The following STOX2 variants were observed in gnomAD, a reference collection of about 807,000 sequenced individuals.
The protein encoded by STOX2 is storkhead box 2.
Under a neutral mutation model 60.9 loss-of-function variants are expected in STOX2, and 28 were observed. The observed-to-expected ratio is 0.46, with a 90% CI of 0.34 to 0.63. STOX2 has a LOEUF of 0.63. STOX2 is among the 30% of genes least tolerant of loss of function. The probability of loss-of-function intolerance (pLI) is 0.01; values close to 1 mark genes in which losing one functional copy is unlikely to be tolerated. For missense variants in STOX2, 1,024 were observed against 1,187.7 expected, an observed-to-expected ratio of 0.86 and a Z score of 2.03; for synonymous variants, 472 against 463.9, an observed-to-expected ratio of 1.02 and a Z score of -0.22.
intron 1 of STOX2, among the ~76,000 whole-genome samples, chr4:183,864,987 C>T (rs546830291): frequency 3.9e-5 from 6 of 152,280 alleles, no homozygotes; most frequent in South Asian, 4.1e-4. Flanking sequence ...TCTTCTGCTC[C>T]GGTATGAAAG....
rs764040331 is a variant in STOX2, at chr4:184,022,937, T to A, written c.*5653T>A. The A allele has an allele frequency of 1.3e-5, 2 of 152,126 alleles. No individual in the cohort carries two copies. The highest frequency in any genetic ancestry group is 2.9e-5 in the Non-Finnish European group (2 of 68,030). The allele number at this position is 152,126 out of a possible 1,614,324, so 9.4% of individuals were successfully genotyped here. A position where few individuals can be genotyped will look rare whatever the true frequency, so the allele number is the denominator to read the frequency against. ...AAGTATTGACAGCTACAAATTAAAG[T>A]CCTTAGAGCAGTTGACACAGATACT... On this transcript the variant is annotated 3_prime_UTR_variant, in exon 4 of 4. Coordinates refer to ENST00000308497, the MANE Select transcript of STOX2 (RefSeq NM_020225.3).
chr4:183,876,936 T>C (rs913745253), intron 1 of STOX2, among the ~76,000 whole-genome samples: 1 of 152,236 alleles, frequency 6.6e-6, no homozygotes, highest in African/African-American at 2.4e-5. Context: ...TCCTGGAACA[T>C]GGCCGTGCCG....
In STOX2 at chr4:184,010,753, T is replaced by G; in HGVS notation, c.1915T>G (p.Ser639Ala). 6.3e-7 allele frequency: 1 copy of G among 1,586,366 alleles called. No individual in the cohort carries two copies. Among genetic ancestry groups the G allele is most frequent in the Non-Finnish European group, 8.6e-7 (1 of 1,166,780 alleles). Residue 639 changes from serine to alanine, a missense_variant, in exon 3 of 4, where the codon TCT becomes GCT. Ser to Ala is a moderately conservative substitution (Grantham distance 99). This residue lies in a region of STOX2 where 922 missense variants were observed against 1,058.3 expected (regional missense o/e 0.87). Transcript: ENST00000308497. This position sits in a 1 kb window ranked among gnomAD's most constrained non-coding sequence, Gnocchi z 4.5. The part of the protein sequence containing the change: ...LAEGVKKLSP[S>A]DRQVPHSSRE... ...AGAAGGGGTGAAAAAGCTCTCCCCT[T>G]CTGATAGGCAGGTCCCCCACTCCTC...
chr4:183,983,337 A>G (rs923523216), intron 1 of STOX2, among the ~76,000 whole-genome samples: 4 of 152,150 alleles, frequency 2.6e-5, no homozygotes, highest in South Asian at 2.1e-4. Flanking sequence ...CTTGAATGAC[A>G]TAGATGCTGA....
At chr4:183,955,642 C>G (rs1191907831) in intron 1 of STOX2, among the ~76,000 whole-genome samples, 1 of 152,174 alleles carries the variant, frequency 6.6e-6, no homozygotes, top group Non-Finnish European at 1.5e-5. Flanking sequence ...TCTTCCTGTT[C>G]CTGGATTTAT....
At chr4:183,936,225 GT>G (rs34489626) in intron 1 of STOX2, among the ~76,000 whole-genome samples, 35,184 of 151,930 alleles carry the variant, frequency 0.23, 7,209 homozygotes, top group African/African-American at 0.54. Flanking sequence ...TCCATCTGGA[GT>G]TTTTTTTGCA....
intron 1 of STOX2, among the ~76,000 whole-genome samples, chr4:183,896,883 T>C (rs1227777519): frequency 6.6e-6 from 1 of 152,240 alleles, no homozygotes; most frequent in Admixed American, 6.5e-5. Flanking sequence ...GCTGACCTTT[T>C]TTGAATACAG....
intron 1 of STOX2, among the ~76,000 whole-genome samples, chr4:183,886,822 T>C (rs1427437848): frequency 6.6e-6 from 1 of 152,232 alleles, no homozygotes; most frequent in African/African-American, 2.4e-5. Context: ...CACTCTGCCA[T>C]CTTTTTTCTC....
chr4:183,934,934 C>T (rs1742544799), intron 1 of STOX2, among the ~76,000 whole-genome samples: 1 of 152,250 alleles, frequency 6.6e-6, no homozygotes, highest in Non-Finnish European at 1.5e-5. Flanking sequence ...GCTGACTCCT[C>T]AGGTTGCATG....
intron 1 of STOX2, among the ~76,000 whole-genome samples, chr4:183,933,412 C>CAG (rs35811503): frequency 0.98 from 149,040 of 152,194 alleles, 73,000 homozygotes; most frequent in Non-Finnish European, 0.99. Context: ...GTTGTTGAGA[C>CAG]AGTTTCACTC....
intron 1 of STOX2, among the ~76,000 whole-genome samples, chr4:183,835,185 A>G (rs1739674898): frequency 6.6e-6 from 1 of 151,906 alleles, no homozygotes. Context: ...TAATAAGATA[A>G]TAATGTCCTA....
At chr4:183,848,824 G>A (rs1011621110) in intron 1 of STOX2, among the ~76,000 whole-genome samples, 1 of 152,208 alleles carries the variant, frequency 6.6e-6, no homozygotes, top group Non-Finnish European at 1.5e-5. Context: ...TCAACTCTGA[G>A]CCAAAGTAAG....
intron 1 of STOX2, among the ~76,000 whole-genome samples, chr4:183,880,239 C>T (rs1740928768): frequency 6.6e-6 from 1 of 152,130 alleles, no homozygotes; most frequent in Non-Finnish European, 1.5e-5. Context: ...CCGCCTTGGC[C>T]TCCCAAAGTG....
chr4:183,904,723 C>T (rs146429801), upstream of STOX2, among the ~76,000 whole-genome samples: 31 of 152,326 alleles, frequency 2.0e-4, no homozygotes, highest in Admixed American at 1.5e-3. Context: ...AGCTCTAATT[C>T]TAGATTTTAT....
intron 1 of STOX2, among the ~76,000 whole-genome samples, chr4:183,889,107 C>T (rs975451681): frequency 3.3e-5 from 5 of 151,842 alleles, no homozygotes; most frequent in East Asian, 1.9e-4. Context: ...TCGTCCTCAA[C>T]GACACTGATC....
At chr4:183,811,875 T>C (rs983442983) in intron 1 of STOX2, among the ~76,000 whole-genome samples, 5 of 152,132 alleles carry the variant, frequency 3.3e-5, no homozygotes, top group Admixed American at 6.5e-5. Flanking sequence ...CAGTTTCTTT[T>C]ATTCTTAAGT....
intron 1 of STOX2, among the ~76,000 whole-genome samples, chr4:183,842,846 T>G (rs2033624): frequency 0.76 from 114,066 of 151,016 alleles, 44,039 homozygotes; most frequent in South Asian, 0.84. Context: ...TTTTTTTTTT[T>G]TTGAAATAAA....
chr4:183,916,960 C>A (rs72695373), intron 1 of STOX2, among the ~76,000 whole-genome samples: 1 of 152,328 alleles, frequency 6.6e-6, no homozygotes, highest in Non-Finnish European at 1.5e-5. Flanking sequence ...TGTGCTCCGG[C>A]AGCACTTCTT....
chr4:183,813,017 C>T (rs1245779751), intron 1 of STOX2, among the ~76,000 whole-genome samples: 6 of 152,190 alleles, frequency 3.9e-5, no homozygotes, highest in African/African-American at 1.2e-4. Flanking sequence ...AGTCAGCCCT[C>T]CGTGTCTGTG....
Sources: allele counts gnomAD v4.1 joint callset (sites outside exome capture counted in the v4.1 genomes callset), GRCh38; gene constraint gnomAD v4.1.1; regional missense constraint gnomAD v4.1.1; non-coding constraint Gnocchi (gnomAD v3.1); transcripts MANE v1.5; gene names NCBI Gene and HGNC (gene_info 2026-07-23, HGNC 2026-07-21).